NCALD: variants seen among roughly 807,000 people sequenced by gnomAD.
NCALD encodes neurocalcin delta.
NCALD carries 10 observed loss-of-function variants against 18.6 expected under a neutral mutation model. That is an observed-to-expected ratio of 0.54 (90% CI 0.33 to 0.91). The LOEUF is 0.91. Ranked by LOEUF, NCALD falls within the 40% of genes least tolerant of loss-of-function variation. The pLI is 0.03. For synonymous variants in NCALD, 88 were observed against 87.4 expected (o/e 1.01, Z -0.04); for missense variants, 184 against 247.6 (o/e 0.74, Z 1.72).
chr8:102,061,265 G>C (rs747144161), intron 1 of NCALD, among the ~76,000 whole-genome samples: 3 of 152,146 alleles, frequency 2.0e-5, no homozygotes, highest in Non-Finnish European at 2.9e-5. Context: ...AGCCCCCCAG[G>C]GTGAATGGAT....
intron 1 of NCALD, among the ~76,000 whole-genome samples, chr8:101,763,945 G>T (rs1460854786): frequency 7.5e-6 from 1 of 133,058 alleles, no homozygotes; most frequent in Non-Finnish European, 1.5e-5. Flanking sequence ...AATTCTTTAT[G>T]ACAAATTTCT....
At chr8:101,733,195 A>G (rs1816921599) in intron 1 of NCALD, among the ~76,000 whole-genome samples, 1 of 152,242 alleles carries the variant, frequency 6.6e-6, no homozygotes, top group Middle Eastern at 3.2e-3. Context: ...CAAACTTACG[A>G]AAATATTAAC....
intron 1 of NCALD, among the ~76,000 whole-genome samples, chr8:101,786,640 T>A (rs1356471903): frequency 6.6e-6 from 1 of 152,166 alleles, no homozygotes; most frequent in Non-Finnish European, 1.5e-5. Flanking sequence ...TTAAATTCAT[T>A]AAAGCAAACA....
intron 1 of NCALD, among the ~76,000 whole-genome samples, chr8:102,092,186 C>T (rs564126455): frequency 1.1e-4 from 17 of 152,278 alleles, no homozygotes; most frequent in Admixed American, 6.5e-4. Flanking sequence ...TGCTACATTC[C>T]GACCAGGGCC....
chr8:101,961,599 T>C (rs1586831451), intron 2 of NCALD, among the ~76,000 whole-genome samples: 1 of 152,250 alleles, frequency 6.6e-6, no homozygotes, highest in South Asian at 2.1e-4. Context: ...TTGCTAACTA[T>C]ACTTTTATTT....
intron 1 of NCALD, among the ~76,000 whole-genome samples, chr8:102,074,137 G>T (rs1824268075): frequency 6.6e-6 from 1 of 152,202 alleles, no homozygotes; most frequent in South Asian, 2.1e-4. Flanking sequence ...AAGTCCTCAG[G>T]TGTCTAGCAC....
intron 2 of NCALD, among the ~76,000 whole-genome samples, chr8:101,930,339 CCAA>C: frequency 6.6e-6 from 1 of 152,246 alleles, no homozygotes; most frequent in East Asian, 1.9e-4. Flanking sequence ...TCTGGCTACT[CCAA>C]CGCCATCTCC....
At chr8:102,063,671 G>T (rs943757990) in intron 1 of NCALD, among the ~76,000 whole-genome samples, 9 of 152,154 alleles carry the variant, frequency 5.9e-5, no homozygotes, top group African/African-American at 1.9e-4. Context: ...TTGAAAGCCT[G>T]TCTCAAAGGA....
chr8:101,769,833 C>A, intron 1 of NCALD, among the ~76,000 whole-genome samples: 2 of 152,224 alleles, frequency 1.3e-5, no homozygotes, highest in African/African-American at 4.8e-5. Flanking sequence ...CCTGGGGATG[C>A]GGAGAATCAG....
intron 2 of NCALD, among the ~76,000 whole-genome samples, chr8:101,701,267 T>C (rs1815253132): frequency 6.6e-6 from 1 of 152,186 alleles, no homozygotes; most frequent in African/African-American, 2.4e-5. Flanking sequence ...AGACAAATCA[T>C]GTCTTTTACT....
chr8:101,977,836 G>A (rs1820477999), intron 2 of NCALD, among the ~76,000 whole-genome samples: 1 of 152,072 alleles, frequency 6.6e-6, no homozygotes, highest in African/African-American at 2.4e-5. Context: ...TCCTAGCTCA[G>A]ACAGGCCACT....
intron 2 of NCALD, among the ~76,000 whole-genome samples, chr8:101,982,104 T>C (rs1483487675): frequency 2.0e-5 from 3 of 152,216 alleles, no homozygotes; most frequent in South Asian, 2.1e-4. Context: ...TCCACCATCA[T>C]TGTAAGCTTC....
intron 4 of NCALD, among the ~76,000 whole-genome samples, chr8:101,797,925 A>G (rs1812701965): frequency 2.0e-5 from 3 of 152,174 alleles, no homozygotes; most frequent in Admixed American, 1.3e-4. Context: ...CTATAAAAAA[A>G]AATCTTTTAT....
At chr8:102,081,572 A>C (rs879943535) in intron 1 of NCALD, among the ~76,000 whole-genome samples, 25,887 of 116,692 alleles carry the variant, frequency 0.22, 2,962 homozygotes, top group African/African-American at 0.41. Context: ...AAAAAAAAAA[A>C]AAAACCCCAA....
chr8:101,992,953 A>G (rs766885753), intron 2 of NCALD, among the ~76,000 whole-genome samples: 4 of 150,614 alleles, frequency 2.7e-5, no homozygotes, highest in Non-Finnish European at 5.9e-5. Flanking sequence ...CAAAATAAAA[A>G]AAGTAAGGCA....
chr8:101,973,789 T>C (rs1000288111), intron 2 of NCALD, among the ~76,000 whole-genome samples: 1 of 152,162 alleles, frequency 6.6e-6, no homozygotes, highest in African/African-American at 2.4e-5. Flanking sequence ...GTTCAAGTCC[T>C]TTTTATATAT....
At chr8:101,730,622 G>T (rs1208000822) in intron 1 of NCALD, among the ~76,000 whole-genome samples, 1 of 151,338 alleles carries the variant, frequency 6.6e-6, no homozygotes, top group South Asian at 2.1e-4. Context: ...CACTGCCCTT[G>T]TGCTAAGCAT....
intron 1 of NCALD, among the ~76,000 whole-genome samples, chr8:102,080,764 G>C (rs563458949): frequency 6.6e-6 from 1 of 152,336 alleles, no homozygotes; most frequent in East Asian, 1.9e-4. Flanking sequence ...AAGGGCTGGC[G>C]TGTGTCATAC....
At chr8:101,787,842 G>A (rs753944788) in intron 1 of NCALD, among the ~76,000 whole-genome samples, 13 of 152,130 alleles carry the variant, frequency 8.5e-5, no homozygotes, top group Admixed American at 1.3e-4. Context: ...ATTCACACGT[G>A]TATGTGCTTT....
Sources: gnomAD v4.1 joint callset for allele counts (sites outside exome capture counted in the v4.1 genomes callset) on GRCh38, gnomAD v4.1.1 for gene constraint, MANE v1.5 for transcripts, NCBI Gene and HGNC (gene_info 2026-07-23, HGNC 2026-07-21) for gene names.